The following DCAF5 variants were observed in gnomAD, a reference collection of about 807,000 sequenced individuals.
DCAF5 encodes the protein DDB1- and CUL4-associated factor 5.
Under a neutral mutation model 80.7 loss-of-function variants are expected in DCAF5, and 9 were observed. That is an observed-to-expected ratio of 0.11 (90% confidence interval 0.07 to 0.19). DCAF5 has a LOEUF of 0.19. Among genes scored for constraint, DCAF5 ranks in the 10% least tolerant of loss-of-function variants. DCAF5 has a pLI of 1.00. For synonymous variants in DCAF5, 433 were observed against 461.9 expected (o/e 0.94, Z 0.80); for missense variants, 842 against 1,205.7 (o/e 0.70, Z 4.47).
chr14:69,088,290 T>C (rs763270688), intron 6 of DCAF5, among the ~76,000 whole-genome samples: 1 of 152,234 alleles, frequency 6.6e-6, no homozygotes, highest in Non-Finnish European at 1.5e-5. Context: ...CAAACTTGTA[T>C]GTGTTGTGAC....
At chr14:69,149,880 AAGAT>A (rs1340856240) in intron 1 of DCAF5, among the ~76,000 whole-genome samples, 5 of 152,250 alleles carry the variant, frequency 3.3e-5, no homozygotes, top group Non-Finnish European at 7.3e-5. Context: ...ATGAGAGACA[AAGAT>A]AGATAAGAAA....
chr14:69,064,592 A>C (rs2038359666), intron 7 of DCAF5, among the ~76,000 whole-genome samples: 1 of 152,218 alleles, frequency 6.6e-6, no homozygotes, highest in Admixed American at 6.5e-5. Flanking sequence ...TTAGAAGCTT[A>C]CATTCAAAAG....
Position 69,082,570 on chromosome 14 carries a change from C to T in DCAF5, c.880-7159G>A, listed in dbSNP as rs767161221. Among the ~76,000 whole-genome samples, 5 of 152,126 alleles carry T rather than the reference C, an allele frequency of 3.3e-5. No individual in the cohort carries two copies. In the South Asian group the frequency reaches 6.2e-4, roughly 19 times the overall value. The stretch of plus-strand genomic sequence containing the variant: ...CAGCTGGTTATAACAAAGTGGCCAG[C>T]GTTACTTAAAGATGAATCTTTATTT... On this transcript the variant is annotated intron_variant, in intron 6 of 8. Coordinates refer to ENST00000341516, the MANE Select transcript of DCAF5 (RefSeq NM_003861.3).
At chr14:69,084,829 G>A (rs1430478142) in intron 6 of DCAF5, 2 of 1,073,226 alleles carry the variant, frequency 1.9e-6, no homozygotes, top group Non-Finnish European at 2.9e-6. Context: ...GTACAGATGT[G>A]GCAGCAAGAG....
chr14:69,146,923 A>G (rs1461674037), intron 1 of DCAF5, among the ~76,000 whole-genome samples: 5 of 152,244 alleles, frequency 3.3e-5, no homozygotes, highest in African/African-American at 1.2e-4. Context: ...ACCACTGGCC[A>G]TATTTCTCCT....
rs150451313 is a variant in DCAF5 at position 69,121,651 on chromosome 14, T to A, written c.358+566A>T. Among the ~76,000 whole-genome samples, 217 of 152,260 alleles carry A rather than the reference T, an allele frequency of 1.4e-3. 1 individual carries two copies. The highest frequency in any genetic ancestry group is 5.1e-3 in the African/African-American group (210 of 41,552). On this transcript the variant is annotated intron_variant, in intron 2 of 8. Transcript: ENST00000341516. Reference sequence around the variant, plus strand: ...GTTGCTTTTGGAACACAGGTAGATATCCAGTGGGAAAATCTGCAGCTCAGA... The same window carrying A: ...GTTGCTTTTGGAACACAGGTAGATAACCAGTGGGAAAATCTGCAGCTCAGA...
intron 1 of DCAF5, among the ~76,000 whole-genome samples, chr14:69,134,391 C>T (rs1272702555): frequency 6.6e-6 from 1 of 152,140 alleles, no homozygotes; most frequent in Non-Finnish European, 1.5e-5. Context: ...GGAAAGTCAA[C>T]TTAGAAAAAA....
chr14:69,075,368 C>T lies in DCAF5; in HGVS notation c.923G>A (p.Arg308Lys), dbSNP rs1369635990. The change falls in exon 7 of 9, where the codon AGA becomes AAA. Residue 308 changes from arginine (R) to lysine (K), a missense_variant. Physicochemically the swap from Arg to Lys is conservative, Grantham distance 26. Coordinates refer to ENST00000341516, the MANE Select transcript of DCAF5 (RefSeq NM_003861.3). ...GCCTGCTTCTGGATCTGCAGGAATT[C>T]TCCACATGTACAGGTTGAAGTCATC... ...GSDDFNLYMW[R>K]IPADPEAGGI... 1.9e-6 allele frequency: 3 copies of T among 1,605,434 alleles called. No individual in the cohort carries two copies. In the Admixed American group the frequency reaches 5.0e-5, roughly 27 times the overall value.
intron 6 of DCAF5, chr14:69,084,061 G>A: frequency 2.5e-6 from 2 of 784,386 alleles, no homozygotes; most frequent in East Asian, 2.4e-5. Context: ...ACCGTCAGTG[G>A]TAAAACCCCA....
At chr14:69,108,426 C>G (rs992567666) in intron 5 of DCAF5, among the ~76,000 whole-genome samples, 1 of 152,050 alleles carries the variant, frequency 6.6e-6, no homozygotes, top group African/African-American at 2.4e-5. Flanking sequence ...AGAAGAGACG[C>G]AAGCTAAGGA....
intron 3 of DCAF5, 105 bp downstream of exon 3, chr14:69,119,089 T>A: frequency 9.0e-7 from 1 of 1,111,324 alleles, no homozygotes; most frequent in Non-Finnish European, 1.3e-6. Flanking sequence ...TGGTTTCATG[T>A]TGTTTTTTTC....
intron 5 of DCAF5, among the ~76,000 whole-genome samples, chr14:69,105,573 T>A (rs1340681407): frequency 6.6e-6 from 1 of 152,104 alleles, no homozygotes; most frequent in South Asian, 2.1e-4. Flanking sequence ...GCAGGCATTG[T>A]TCCAGTGTAA....
Position 69,053,602 on chromosome 14 carries a change from T to C in DCAF5, c.*255A>G. On this transcript the variant is annotated 3_prime_UTR_variant, in exon 9 of 9. Coordinates refer to ENST00000341516, the MANE Select transcript of DCAF5 (RefSeq NM_003861.3). ...CAGAGCCTTGCGCGGCACACTACGCTCACGTCTCACTAGAAAGGAGTCACT... is the reference window on the plus strand; with the variant it reads ...CAGAGCCTTGCGCGGCACACTACGCCCACGTCTCACTAGAAAGGAGTCACT... 1 of 464,098 alleles carries C rather than the reference T, an allele frequency of 2.2e-6. No homozygotes were observed. The highest frequency in any genetic ancestry group is 3.9e-5 in the East Asian group (1 of 25,648). The allele number at this position is 464,098 out of a possible 1,614,324, so 28.7% of individuals were successfully genotyped here. A position where few individuals can be genotyped will look rare whatever the true frequency, so the allele number is the denominator to read the frequency against.
At chr14:69,099,251 A>AACACACAC (rs60913200) in intron 5 of DCAF5, among the ~76,000 whole-genome samples, 1,642 of 124,308 alleles carry the variant, frequency 0.013, 16 homozygotes, top group East Asian at 0.026. Context: ...ACTCTGTCTC[A>AACACACAC]ACACACACAC....
chr14:69,066,565 A>C (rs2038451767), intron 7 of DCAF5, among the ~76,000 whole-genome samples: 1 of 152,228 alleles, frequency 6.6e-6, no homozygotes, highest in Non-Finnish European at 1.5e-5. Flanking sequence ...AAGATCTCAG[A>C]AAAGAAAATG....
chr14:69,120,393 A>G (rs930274891), intron 2 of DCAF5, among the ~76,000 whole-genome samples: 4 of 152,168 alleles, frequency 2.6e-5, no homozygotes, highest in African/African-American at 7.2e-5. Context: ...GTGAGCCACC[A>G]TGCCCAGCCT....
In DCAF5 at chr14:69,053,749, G is replaced by C. The variant is rs1382647365; in HGVS notation, c.*108C>G. 3 of 1,136,840 alleles carry C rather than the reference G, an allele frequency of 2.6e-6. No homozygotes were observed. In the East Asian group the frequency reaches 7.8e-5, roughly 30 times the overall value. The allele number at this position is 1,136,840 out of a possible 1,614,324, so 70.4% of individuals were successfully genotyped here. ...ATCAGACACAAAATTTCAGGCCCTG[G>C]TTTCATGTGCCTTTAATACTTGTTT... On this transcript the variant is annotated 3_prime_UTR_variant, in exon 9 of 9. Coordinates refer to ENST00000341516, the MANE Select transcript of DCAF5 (RefSeq NM_003861.3).
rs2039250801 is a variant in DCAF5, at chr14:69,084,697, C to T, written c.879+6977G>A. ...TTTCATCTTGTATGTCCGTGAAATACCACTATGAGTTGCTGAACTACATTG... is the reference window on the plus strand; with the variant it reads ...TTTCATCTTGTATGTCCGTGAAATATCACTATGAGTTGCTGAACTACATTG... On this transcript the variant is annotated intron_variant, in intron 6 of 8. Transcript: ENST00000341516. 7.8e-6 allele frequency: 10 copies of T among 1,287,364 alleles called. No individual in the cohort carries two copies. The South Asian group carries it at 1.3e-4, about 17-fold the overall frequency. The allele number at this position is 1,287,364 out of a possible 1,614,324, so 79.7% of individuals were successfully genotyped here. A position where few individuals can be genotyped will look rare whatever the true frequency, so the allele number is the denominator to read the frequency against.
Position 69,152,982 on chromosome 14 carries a change from G to T in DCAF5, c.-4C>A. On this transcript the variant is annotated 5_prime_UTR_variant, in exon 1 of 9. Transcript: ENST00000341516. This position sits in a 1 kb window ranked among gnomAD's most constrained non-coding sequence, Gnocchi z 4.1. ...CCAGGCCAGCTCTCCTCTTCATGCT[G>T]GAACCGCCGCCGCCGCCGCTCGCGC... 1 of 1,564,512 alleles carries T rather than the reference G, an allele frequency of 6.4e-7. No individual in the cohort carries two copies. The highest frequency in any genetic ancestry group is 1.2e-5 in the South Asian group (1 of 86,408).
Sources: gnomAD v4.1 joint callset for allele counts (sites outside exome capture counted in the v4.1 genomes callset) on GRCh38, gnomAD v4.1.1 for gene constraint, Gnocchi (gnomAD v3.1) non-coding constraint, MANE v1.5 for transcripts, NCBI Gene and HGNC (gene_info 2026-07-23, HGNC 2026-07-21) for gene names.